Variants in RALYL observed in about 807,000 individuals in gnomAD.
RALYL encodes the protein RALY RNA binding protein like, also known as RNA-binding Raly-like protein.
In RALYL, 29 loss-of-function variants were observed where a neutral mutation model predicts 35.1. That is an observed-to-expected ratio of 0.83 (90% CI 0.61 to 1.13). The LOEUF (loss-of-function observed/expected upper bound fraction) is 1.13, where lower values mean the gene tolerates loss of function less well. RALYL is among the 50% of genes most tolerant of loss of function. The pLI, the probability that RALYL is intolerant of heterozygous loss-of-function variation, is 0.00. For missense variants in RALYL, 359 were observed against 360.4 expected (o/e 1.00, Z 0.03); for synonymous variants, 120 against 127.6 (o/e 0.94, Z 0.40).
chr8:84,327,448 C>T (rs1260772761), intron 1 of RALYL, among the ~76,000 whole-genome samples: 2 of 151,928 alleles, frequency 1.3e-5, no homozygotes, highest in Non-Finnish European at 2.9e-5. Flanking sequence ...TGTAAAGGGC[C>T]ATGTATGTTT....
chr8:84,711,307 T>C (rs1040675784), intron 2 of RALYL, among the ~76,000 whole-genome samples: 7 of 152,184 alleles, frequency 4.6e-5, no homozygotes, highest in Non-Finnish European at 8.8e-5. Context: ...TACTAACTTT[T>C]AGAAATCACT....
chr8:84,823,285 A>G (rs1320890854), intron 4 of RALYL, among the ~76,000 whole-genome samples: 1 of 152,206 alleles, frequency 6.6e-6, no homozygotes. Context: ...TCTAATGAAC[A>G]GGACAAAACA....
chr8:84,563,132 C>A (rs1564151208), intron 2 of RALYL, among the ~76,000 whole-genome samples: 1 of 151,708 alleles, frequency 6.6e-6, no homozygotes, highest in Non-Finnish European at 1.5e-5. Context: ...GCTTTGGCAG[C>A]AAAGAAACTC....
chr8:84,510,819 A>AC (rs2057554544), intron 1 of RALYL, among the ~76,000 whole-genome samples: 1 of 152,008 alleles, frequency 6.6e-6, no homozygotes, highest in African/African-American at 2.4e-5. Context: ...AAAAAAAAAA[A>AC]ACCATAATTG....
At chr8:84,906,868 C>A in intron 8 of RALYL, 1 of 725,974 alleles carries the variant, frequency 1.4e-6, no homozygotes, top group Non-Finnish European at 1.7e-6. Flanking sequence ...CACAACCATG[C>A]TGCACTATCA....
At chr8:84,342,834 A>AATC (rs1849108148) in intron 1 of RALYL, among the ~76,000 whole-genome samples, 1 of 152,082 alleles carries the variant, frequency 6.6e-6, no homozygotes, top group Non-Finnish European at 1.5e-5. Flanking sequence ...AACTGTCTGT[A>AATC]ATCACTAAAT....
chr8:84,509,865 C>T (rs1019198344), intron 1 of RALYL, among the ~76,000 whole-genome samples: 2 of 152,112 alleles, frequency 1.3e-5, no homozygotes, highest in African/African-American at 4.8e-5. Flanking sequence ...CTATTCTGTA[C>T]CACTAAGCTA....
At chr8:84,250,575 A>G (rs754970556) in intron 1 of RALYL, among the ~76,000 whole-genome samples, 5 of 152,082 alleles carry the variant, frequency 3.3e-5, no homozygotes, top group Admixed American at 1.3e-4. Context: ...TGATTGGTAT[A>G]TTAATTATAG....
intron 1 of RALYL, among the ~76,000 whole-genome samples, chr8:84,225,444 T>A (rs1586333430): frequency 6.6e-6 from 1 of 152,198 alleles, no homozygotes; most frequent in South Asian, 2.1e-4. Context: ...TTGCAGTGGC[T>A]TACAAGGCCC....
In RALYL at chr8:84,701,278, A is replaced by G. The variant is rs189171987; in HGVS notation, c.257-73301A>G. On this transcript the variant is annotated intron_variant, in intron 2 of 8. Transcript: ENST00000521268. ...TACATGGTCCAAGTTGCATGAGTTC[A>G]TATACCTCATCTTCCTTCAGTTATC... Among the ~76,000 whole-genome samples the G allele has an allele frequency of 1.3e-3, 199 of 152,286 alleles. 1 individual carries two copies. The highest frequency in any genetic ancestry group is 1.5e-4 in the Non-Finnish European group (10 of 68,022).
Position 84,782,552 on chromosome 8 carries a change from C to T in RALYL, c.332+7898C>T, listed in dbSNP as rs1818432222. 2.0e-5 allele frequency among the ~76,000 whole-genome samples: 3 copies of T among 152,178 alleles called. 1 individual carries two copies. In the South Asian group the frequency reaches 6.2e-4, roughly 31 times the overall value. On this transcript the variant is annotated intron_variant, in intron 3 of 8. Transcript: ENST00000521268. ...TTTTACTACACCTTGGAAACTGTAG[C>T]CTGTCATGAAATTGTTGCTTTCTTT...
intron 1 of RALYL, among the ~76,000 whole-genome samples, chr8:84,203,748 A>G (rs1817444364): frequency 6.6e-6 from 1 of 152,112 alleles, no homozygotes; most frequent in Non-Finnish European, 1.5e-5. Context: ...AGTTTTTCCT[A>G]GATTATATGC....
chr8:84,592,344 G>A (rs758442826), intron 2 of RALYL, among the ~76,000 whole-genome samples: 92 of 152,024 alleles, frequency 6.1e-4, no homozygotes, highest in African/African-American at 9.2e-4. Flanking sequence ...AAAAATAACC[G>A]TGCTCACTCT....
intron 2 of RALYL, among the ~76,000 whole-genome samples, chr8:84,736,320 G>C (rs1847304269): frequency 6.6e-6 from 1 of 152,034 alleles, no homozygotes; most frequent in Admixed American, 6.6e-5. Context: ...ATTACGTTAA[G>C]AAGATAAGGA....
rs182864364 is a variant in RALYL at position 84,426,937 on chromosome 8, T to C, written c.-23-102362T>C. 4.2e-3 allele frequency among the ~76,000 whole-genome samples: 635 copies of C among 152,244 alleles called. 6 individuals carry two copies. Among genetic ancestry groups the C allele is most frequent in the African/African-American group, 0.014 (597 of 41,534 alleles). ...TTAAAAATGGAACTACCATATGATC[T>C]TATGGGCACATACCCAAAGGAAATG... On this transcript the variant is annotated intron_variant, in intron 1 of 8. Coordinates refer to ENST00000521268, the MANE Select transcript of RALYL (RefSeq NM_173848.7).
At chr8:84,254,796 G>C (rs1448452121) in intron 1 of RALYL, among the ~76,000 whole-genome samples, 1 of 151,456 alleles carries the variant, frequency 6.6e-6, no homozygotes, top group Non-Finnish European at 1.5e-5. Flanking sequence ...CATGGCTGGG[G>C]AAGCTTCAGG....
chr8:84,397,358 G>A (rs2042446135), intron 1 of RALYL, among the ~76,000 whole-genome samples: 1 of 152,150 alleles, frequency 6.6e-6, no homozygotes, highest in Non-Finnish European at 1.5e-5. Flanking sequence ...AGAAACAATA[G>A]GAAATTAATA....
At chr8:84,640,952 C>A (rs1315822871) in intron 2 of RALYL, among the ~76,000 whole-genome samples, 3 of 151,726 alleles carry the variant, frequency 2.0e-5, no homozygotes, top group Admixed American at 6.6e-5. Context: ...TACAAAACTT[C>A]TTTTATAATT....
chr8:84,299,847 C>G (rs2132343836), intron 1 of RALYL, among the ~76,000 whole-genome samples: 1 of 151,978 alleles, frequency 6.6e-6, no homozygotes, highest in Non-Finnish European at 1.5e-5. Flanking sequence ...TGGATCTTCT[C>G]TCTTTTTCTT....
Sources: allele counts gnomAD v4.1 joint callset (sites outside exome capture counted in the v4.1 genomes callset), GRCh38; gene constraint gnomAD v4.1.1; transcripts MANE v1.5; gene names NCBI Gene and HGNC (gene_info 2026-07-23, HGNC 2026-07-21).